Variants in TRDN observed in about 807,000 individuals in gnomAD.
TRDN encodes the protein triadin.
TRDN carries 161 observed loss-of-function variants against 149.7 expected under a neutral mutation model. That is an observed-to-expected ratio of 1.08 (90% CI 0.95 to 1.23). TRDN has a LOEUF of 1.23. Among genes scored for constraint, TRDN ranks in the 50% most tolerant of loss-of-function variants. TRDN has a pLI of 0.00. For synonymous variants in TRDN, 294 were observed against 250.5 expected, an observed-to-expected ratio of 1.17 and a Z score of -1.64; for missense variants, 896 against 823.5, an observed-to-expected ratio of 1.09 and a Z score of -1.08.
At chr6:123,316,333 T>A in intron 24 of TRDN, 124 bp downstream of exon 24, 1 of 888,248 alleles carries the variant, frequency 1.1e-6, no homozygotes, top group Non-Finnish European at 1.8e-6. Context: ...ATAGCATCAG[T>A]ATTTTTTTAA....
At position 123,382,193 on chromosome 6, in the gene TRDN, C is replaced by T. The variant is rs956389782; in HGVS notation, c.1136-46G>A. On this transcript the variant is annotated intron_variant, in intron 14 of 40. Transcript: ENST00000334268. ...TATTAATAAAACAGATACAATAAATCAACAGCTGATCAGCTCACAACAAAT... is the reference window on the plus strand; with the variant it reads ...TATTAATAAAACAGATACAATAAATTAACAGCTGATCAGCTCACAACAAAT... 4 of 1,340,060 alleles carry T rather than the reference C, an allele frequency of 3.0e-6. No homozygotes were observed. In the African/African-American group the frequency reaches 4.6e-5, roughly 15 times the overall value. The allele number at this position is 1,340,060 out of a possible 1,614,324, so 83.0% of individuals were successfully genotyped here.
intron 1 of TRDN, among the ~76,000 whole-genome samples, chr6:123,575,633 T>C (rs973437444): frequency 1.3e-5 from 2 of 152,096 alleles, no homozygotes; most frequent in Non-Finnish European, 2.9e-5. Flanking sequence ...AAAATTTTGA[T>C]TGTCAGACAG....
intron 10 of TRDN, among the ~76,000 whole-genome samples, chr6:123,459,741 AC>A (rs1776342714): frequency 6.6e-6 from 1 of 152,196 alleles, no homozygotes; most frequent in Non-Finnish European, 1.5e-5. Flanking sequence ...CATTCAATTA[AC>A]CAAATCAGAT....
intron 8 of TRDN, among the ~76,000 whole-genome samples, chr6:123,499,439 C>T (rs1234822259): frequency 6.6e-6 from 1 of 151,726 alleles, no homozygotes; most frequent in Non-Finnish European, 1.5e-5. Context: ...CAACAAACCA[C>T]ACGCCTGTAA....
intron 12 of TRDN, among the ~76,000 whole-genome samples, chr6:123,400,803 T>C (rs1772934817): frequency 6.6e-6 from 1 of 152,248 alleles, no homozygotes; most frequent in Non-Finnish European, 1.5e-5. Flanking sequence ...ATCACCATTC[T>C]GTTTTTCCTT....
chr6:123,274,157 A>G (rs922975936), intron 27 of TRDN, among the ~76,000 whole-genome samples: 1 of 152,124 alleles, frequency 6.6e-6, no homozygotes, highest in Non-Finnish European at 1.5e-5. Flanking sequence ...TCTGTTTCTC[A>G]TAATGATATG....
chr6:123,314,838 A>G (rs1431325343), intron 24 of TRDN, among the ~76,000 whole-genome samples: 1 of 151,856 alleles, frequency 6.6e-6, no homozygotes, highest in Non-Finnish European at 1.5e-5. Flanking sequence ...ACTGGGGCCA[A>G]TTGGAGGGTG....
chr6:123,466,925 T>A (rs1480949180), intron 9 of TRDN, among the ~76,000 whole-genome samples: 2 of 152,040 alleles, frequency 1.3e-5, no homozygotes, highest in Non-Finnish European at 2.9e-5. Flanking sequence ...TCTTTTATAG[T>A]CTTGAGTTAT....
Position 123,530,494 on chromosome 6 carries a change from T to C in TRDN, c.484+12A>G. On this transcript the variant is annotated intron_variant, in intron 5 of 40. Transcript: ENST00000334268. ...ATCTAAATGAAGAATAAACATAAAA[T>C]GAAATGTTTACCTTTAGTTTGTATT... is the stretch of plus-strand genomic sequence containing the variant. 8.1e-7 allele frequency: 1 copy of C among 1,228,030 alleles called. No homozygotes were observed. The highest frequency in any genetic ancestry group is 1.1e-6 in the Non-Finnish European group (1 of 919,836). The allele number at this position is 1,228,030 out of a possible 1,614,324, so 76.1% of individuals were successfully genotyped here. A position where few individuals can be genotyped will look rare whatever the true frequency, so the allele number is the denominator to read the frequency against.
intron 2 of TRDN, among the ~76,000 whole-genome samples, chr6:123,554,721 G>A (rs1781561165): frequency 6.6e-6 from 1 of 151,864 alleles, no homozygotes; most frequent in African/African-American, 2.4e-5. Flanking sequence ...AAGTTGGGAA[G>A]AAAGAAAAAA....
In TRDN at chr6:123,217,527, C is replaced by A. The variant is rs774608835; in HGVS notation, c.*1074G>T. The A allele has an allele frequency of 3.2e-4, 48 of 151,878 alleles. No individual in the cohort carries two copies. Among genetic ancestry groups the A allele is most frequent in the African/African-American group, 1.1e-3 (44 of 41,376 alleles). The allele number at this position is 151,878 out of a possible 1,614,324, so 9.4% of individuals were successfully genotyped here. A position where few individuals can be genotyped will look rare whatever the true frequency, so the allele number is the denominator to read the frequency against. On this transcript the variant is annotated 3_prime_UTR_variant, in exon 41 of 41. Coordinates refer to ENST00000334268, the MANE Select transcript of TRDN (RefSeq NM_006073.4). ...TACCAGGAATATGACAAAAACATAACAGTCATTCCCAGGGATGCACTGTCG... is the reference window on the plus strand; with the variant it reads ...TACCAGGAATATGACAAAAACATAAAAGTCATTCCCAGGGATGCACTGTCG...
intron 12 of TRDN, among the ~76,000 whole-genome samples, chr6:123,401,905 C>T (rs1299956543): frequency 6.0e-5 from 9 of 151,062 alleles, no homozygotes; most frequent in African/African-American, 2.2e-4. Flanking sequence ...CAAGATCACG[C>T]CACTGCACTC....
intron 2 of TRDN, among the ~76,000 whole-genome samples, chr6:123,558,117 A>G (rs1781780222): frequency 6.6e-6 from 1 of 152,078 alleles, no homozygotes; most frequent in Non-Finnish European, 1.5e-5. Flanking sequence ...ACGTCCAGGC[A>G]TTCTTTTACA....
intron 22 of TRDN, among the ~76,000 whole-genome samples, chr6:123,336,822 A>G (rs565014619): frequency 6.6e-6 from 1 of 151,044 alleles, no homozygotes; most frequent in South Asian, 2.1e-4. Context: ...TATATTACAC[A>G]CACTTATATA....
At position 123,503,745 on chromosome 6, in the gene TRDN, G is replaced by T; in HGVS notation, c.767C>A (p.Ala256Glu). 6.2e-7 allele frequency: 1 copy of T among 1,613,646 alleles called. No homozygotes were observed. Among genetic ancestry groups the T allele is most frequent in the Admixed American group, 1.7e-5 (1 of 59,968 alleles). The change falls in exon 8 of 41, where the codon GCA becomes GAA. Residue 256 changes from alanine (A) to glutamate (E), a missense_variant. Transcript: ENST00000334268. ...TTTCTGTTCATGCTTTGACACAGCT[G>T]CTTTCTCTTTGTCCTCCTTTTCTTT... is the stretch of plus-strand genomic sequence containing the variant. ...KPKEKEDKEK[A>E]AVSKHEQKDQ...
At chr6:123,437,411 A>AT (rs1491205135) in intron 12 of TRDN, 1 of 124,680 alleles carries the variant, frequency 8.0e-6, no homozygotes, top group Non-Finnish European at 1.5e-5. Context: ...TTTTTTTTGT[A>AT]GGGGGATGAG....
intron 29 of TRDN, 77 bp downstream of exon 29, chr6:123,272,887 G>T (rs530137399): frequency 7.7e-6 from 8 of 1,040,430 alleles, no homozygotes; most frequent in Non-Finnish European, 9.7e-6. Context: ...CTTTAGACTT[G>T]ACTCTAAACT....
chr6:123,269,507 T>C (rs971062628), intron 31 of TRDN, among the ~76,000 whole-genome samples: 1 of 151,994 alleles, frequency 6.6e-6, no homozygotes, highest in Non-Finnish European at 1.5e-5. Context: ...AGTGGTATTT[T>C]ATAGCCTATA....
At chr6:123,558,765 G>A in intron 2 of TRDN, among the ~76,000 whole-genome samples, 1 of 151,852 alleles carries the variant, frequency 6.6e-6, no homozygotes, top group Non-Finnish European at 1.5e-5. Flanking sequence ...AGTAGAGGCA[G>A]CCAAGTAGCA....
Sources: gnomAD v4.1 joint callset for allele counts (sites outside exome capture counted in the v4.1 genomes callset) on GRCh38, gnomAD v4.1.1 for gene constraint, MANE v1.5 for transcripts, NCBI Gene and HGNC (gene_info 2026-07-23, HGNC 2026-07-21) for gene names.